JMJD1C: variants seen among roughly 807,000 people sequenced by gnomAD.
JMJD1C encodes the protein jumonji domain containing 1C.
In JMJD1C, 31 loss-of-function variants were observed where a neutral mutation model predicts 245.3. The observed-to-expected ratio is 0.13, with a 90% confidence interval of 0.09 to 0.17. The LOEUF (loss-of-function observed/expected upper bound fraction) is 0.17, where lower values mean the gene tolerates loss of function less well. Ranked by LOEUF, JMJD1C falls within the 10% of genes least tolerant of loss-of-function variation. The pLI, the probability that JMJD1C is intolerant of heterozygous loss-of-function variation, is 1.00. For synonymous variants in JMJD1C, 1,057 were observed against 1,017.4 expected (o/e 1.04, Z -0.74); for missense variants, 2,691 against 3,000.2 (o/e 0.90, Z 2.41).
At chr10:63,436,006 C>T (rs1693436176) in intron 1 of JMJD1C, among the ~76,000 whole-genome samples, 1 of 152,070 alleles carries the variant, frequency 6.6e-6, no homozygotes, top group South Asian at 2.1e-4. Context: ...AAGGCAAAAC[C>T]CTGAGATATT....
chr10:63,438,522 T>C (rs949230607), intron 1 of JMJD1C, among the ~76,000 whole-genome samples: 1 of 152,164 alleles, frequency 6.6e-6, no homozygotes, highest in Non-Finnish European at 1.5e-5. Context: ...ACCACCTCGT[T>C]CATGCCTTCC....
At chr10:63,508,259 C>T (rs1395055763) in intron 1 of JMJD1C, among the ~76,000 whole-genome samples, 1 of 152,114 alleles carries the variant, frequency 6.6e-6, no homozygotes, top group Non-Finnish European at 1.5e-5. Flanking sequence ...CATTGTATTG[C>T]CTTTATTCCT....
intron 1 of JMJD1C, among the ~76,000 whole-genome samples, chr10:63,516,607 A>G (rs1487376488): frequency 6.6e-6 from 1 of 152,212 alleles, no homozygotes; most frequent in Non-Finnish European, 1.5e-5. Flanking sequence ...ACAAAACCAT[A>G]TTTTACCATG....
chr10:63,517,628 CAGTACTTAAAGAAATCATATCTTCTAT>C, intron 1 of JMJD1C, among the ~76,000 whole-genome samples: 1 of 152,176 alleles, frequency 6.6e-6, no homozygotes, highest in East Asian at 1.9e-4. Context: ...AAATTAAGTT[CAGTACTTAAAGAAATCATATCTTCTAT>C]ATAAGAAATG....
Position 63,368,385 on chromosome 10 carries a change from A to G in JMJD1C, c.333+11933T>C, listed in dbSNP as rs142266023. ...TTCACGAACATGGAGACCTTACTAT[A>G]TAACAGCACATAGGGAAACCAGTCT... On this transcript the variant is annotated intron_variant, in intron 2 of 25. Transcript: ENST00000399262. Among the ~76,000 whole-genome samples the G allele has an allele frequency of 6.6e-4, 101 of 152,318 alleles. No homozygotes were observed. In the East Asian group the frequency reaches 0.017, roughly 25 times the overall value.
chr10:63,169,461 TTACTC>T (rs965890713), intron 24 of JMJD1C, among the ~76,000 whole-genome samples: 1 of 152,142 alleles, frequency 6.6e-6, no homozygotes, highest in African/African-American at 2.4e-5. Flanking sequence ...GCATTTAAAG[TTACTC>T]TAAGTATGCA....
At chr10:63,279,398 A>G (rs1301143718) in intron 2 of JMJD1C, among the ~76,000 whole-genome samples, 3 of 152,258 alleles carry the variant, frequency 2.0e-5, no homozygotes, top group Admixed American at 2.0e-4. Context: ...ATAAGGATTA[A>G]CCTTAAATTT....
At chr10:63,329,050 G>T (rs1941842550) in intron 2 of JMJD1C, among the ~76,000 whole-genome samples, 1 of 152,180 alleles carries the variant, frequency 6.6e-6, no homozygotes, top group Non-Finnish European at 1.5e-5. Flanking sequence ...GAAAGGCTGA[G>T]GTGGGAGAAC....
intron 1 of JMJD1C, among the ~76,000 whole-genome samples, chr10:63,389,216 G>T (rs1589648105): frequency 6.6e-6 from 1 of 150,498 alleles, no homozygotes; most frequent in East Asian, 2.0e-4. Context: ...GGAGGCTGAG[G>T]CAGGAGAACC....
intron 1 of JMJD1C, among the ~76,000 whole-genome samples, chr10:63,413,832 A>T (rs1012893694): frequency 3.9e-5 from 6 of 152,188 alleles, no homozygotes; most frequent in African/African-American, 1.4e-4. Context: ...AATTGCTAAC[A>T]CTGAAAAATA....
At chr10:63,421,627 C>G (rs1023082596) in intron 1 of JMJD1C, among the ~76,000 whole-genome samples, 12 of 152,114 alleles carry the variant, frequency 7.9e-5, no homozygotes, top group African/African-American at 2.7e-4. Flanking sequence ...GAAGTCCTAA[C>G]CCCTGATGTG....
At chr10:63,246,876 T>A (rs1315898445) in intron 3 of JMJD1C, among the ~76,000 whole-genome samples, 4 of 151,726 alleles carry the variant, frequency 2.6e-5, no homozygotes, top group African/African-American at 9.7e-5. Flanking sequence ...CTTAATTAAA[T>A]TTTTTTTAAT....
At chr10:63,478,812 G>A (rs1422256378) in intron 1 of JMJD1C, among the ~76,000 whole-genome samples, 2 of 152,130 alleles carry the variant, frequency 1.3e-5, no homozygotes, top group Non-Finnish European at 2.9e-5. Flanking sequence ...ACCCCCCAGA[G>A]GTCAAGCTGA....
intron 2 of JMJD1C, among the ~76,000 whole-genome samples, chr10:63,342,164 T>C (rs948786403): frequency 1.3e-5 from 2 of 152,240 alleles, no homozygotes; most frequent in East Asian, 1.9e-4. Flanking sequence ...GATATTCCAA[T>C]TGTTCATTCA....
At chr10:63,274,371 C>T (rs1856591629) in intron 2 of JMJD1C, among the ~76,000 whole-genome samples, 1 of 152,096 alleles carries the variant, frequency 6.6e-6, no homozygotes, top group South Asian at 2.1e-4. Context: ...TTAGATCAGC[C>T]TGGGCAACAT....
intron 1 of JMJD1C, among the ~76,000 whole-genome samples, chr10:63,453,793 C>A (rs1952225825): frequency 6.6e-6 from 1 of 152,152 alleles, no homozygotes; most frequent in Admixed American, 6.5e-5. Flanking sequence ...GGTTGAAGGA[C>A]AGTAGCGCTA....
At chr10:63,222,676 T>TTCATTTGATGGTACCAAAGAAGC in intron 3 of JMJD1C, 2 of 1,538,770 alleles carry the variant, frequency 1.3e-6, no homozygotes, top group South Asian at 2.2e-5. Context: ...GAGTGGTGCA[T>TTCATTTGATGGTACCAAAGAAGC]TCATTTGATG....
At chr10:63,246,790 G>A (rs1172431101) in intron 3 of JMJD1C, among the ~76,000 whole-genome samples, 2 of 151,944 alleles carry the variant, frequency 1.3e-5, no homozygotes, top group East Asian at 3.9e-4. Flanking sequence ...CAGTAGCAAG[G>A]GAAACCTCTG....
At chr10:63,317,988 T>C (rs1002320392) in intron 2 of JMJD1C, among the ~76,000 whole-genome samples, 3 of 151,896 alleles carry the variant, frequency 2.0e-5, no homozygotes, top group African/African-American at 4.8e-5. Flanking sequence ...GCTGAGAGTA[T>C]AGCCATGCAC....
Sources: gnomAD v4.1 joint callset for allele counts (sites outside exome capture counted in the v4.1 genomes callset) on GRCh38, gnomAD v4.1.1 for gene constraint, MANE v1.5 for transcripts, NCBI Gene and HGNC (gene_info 2026-07-23, HGNC 2026-07-21) for gene names.